Variants in TCERG1 observed in about 807,000 individuals in gnomAD.
TCERG1 encodes transcription elongation regulator 1.
A neutral mutation model predicts 144.7 loss-of-function variants in TCERG1; 37 were observed. The ratio of observed to expected loss-of-function variants is 0.26; its 90% CI spans 0.20 to 0.34. The LOEUF is 0.34. Among genes scored for constraint, TCERG1 ranks in the 10% least tolerant of loss-of-function variants. The probability of loss-of-function intolerance (pLI) is 1.00; values close to 1 mark genes in which losing one functional copy is unlikely to be tolerated. For missense variants in TCERG1, 1,027 were observed against 1,380.7 expected, an observed-to-expected ratio of 0.74 and a Z score of 4.06; for synonymous variants, 492 against 458.2, an observed-to-expected ratio of 1.07 and a Z score of -0.94.
At chr5:146,449,011 C>G (rs1762133652) in intron 1 of TCERG1, among the ~76,000 whole-genome samples, 2 of 152,148 alleles carry the variant, frequency 1.3e-5, no homozygotes, top group Admixed American at 1.3e-4. Context: ...TGAATTTGCC[C>G]TGTTGCAAAT....
chr5:146,462,849 G>A (rs560535655), intron 4 of TCERG1, among the ~76,000 whole-genome samples: 1 of 152,054 alleles, frequency 6.6e-6, no homozygotes, highest in East Asian at 1.9e-4. Context: ...CATAAATAAT[G>A]TGAATGCATT....
intron 1 of TCERG1, among the ~76,000 whole-genome samples, chr5:146,454,233 C>T (rs987793106): frequency 3.4e-5 from 5 of 148,710 alleles, no homozygotes; most frequent in South Asian, 2.2e-4. Flanking sequence ...AAAGAACATT[C>T]CTTCCTTATT....
intron 21 of TCERG1, among the ~76,000 whole-genome samples, chr5:146,508,183 G>C (rs556109121): frequency 6.6e-6 from 1 of 152,288 alleles, no homozygotes; most frequent in South Asian, 2.1e-4. Context: ...GGTGAAGCTT[G>C]TATTTTAGGA....
intron 9 of TCERG1, among the ~76,000 whole-genome samples, chr5:146,474,352 A>G (rs918611926): frequency 1.3e-5 from 2 of 152,182 alleles, no homozygotes; most frequent in African/African-American, 4.8e-5. Context: ...TTTATGAGAA[A>G]ACTGTAATGG....
chr5:146,498,211 C>G (rs1436147392), intron 16 of TCERG1, among the ~76,000 whole-genome samples: 1 of 151,864 alleles, frequency 6.6e-6, no homozygotes, highest in Non-Finnish European at 1.5e-5. Flanking sequence ...GGAGGAAGGA[C>G]TTAGCTTCAT....
intron 16 of TCERG1, among the ~76,000 whole-genome samples, chr5:146,496,469 A>G (rs1273625920): frequency 6.6e-6 from 1 of 152,054 alleles, no homozygotes; most frequent in African/African-American, 2.4e-5. Context: ...ATTGTTAGTG[A>G]TCTAACTTCA....
At chr5:146,468,880 C>CT (rs796380034) in intron 6 of TCERG1, among the ~76,000 whole-genome samples, 18 of 144,580 alleles carry the variant, frequency 1.2e-4, no homozygotes, top group East Asian at 6.0e-4. Context: ...GATTTGAGGA[C>CT]TTTTTTTTTT....
At chr5:146,463,827 A>G (rs1435183230) in intron 5 of TCERG1, 34 bp downstream of exon 5, 13 of 1,612,172 alleles carry the variant, frequency 8.1e-6, no homozygotes, top group Middle Eastern at 1.6e-4. Context: ...CTTTCCAGCT[A>G]TGTTTTCATA....
rs763892008 is a variant in TCERG1, at chr5:146,493,010, A to G, written c.2254A>G (p.Met752Val). The change falls in exon 16 of 23, where the codon ATG (methionine) becomes GTG (valine). Residue 752 changes from methionine to valine, a missense_variant. Met to Val is a conservative substitution (Grantham distance 21). Coordinates refer to ENST00000679501, the MANE Select transcript of TCERG1 (RefSeq NM_001382548.1). ...GCAAGCCAAGGAAGATTTCAAAAAA[A>G]TGATGGAAGAAGCAAAATTTAATCC... is the stretch of plus-strand genomic sequence containing the variant. ...IMQAKEDFKK[M>V]MEEAKFNPRA... 1 of 1,605,468 alleles carries G rather than the reference A, an allele frequency of 6.2e-7. No individual in the cohort carries two copies. The highest frequency in any genetic ancestry group is 8.5e-7 in the Non-Finnish European group (1 of 1,176,856).
intron 17 of TCERG1, among the ~76,000 whole-genome samples, chr5:146,498,919 T>G (rs1767182275): frequency 6.6e-6 from 1 of 152,212 alleles, no homozygotes; most frequent in Non-Finnish European, 1.5e-5. Flanking sequence ...TTAAATTGTG[T>G]TAATATTAAG....
At chr5:146,457,066 G>A in intron 2 of TCERG1, 117 bp from the exon 3 acceptor site, 5 of 1,366,398 alleles carry the variant, frequency 3.7e-6, no homozygotes, top group Non-Finnish European at 5.0e-6. Flanking sequence ...AGGTGAATGT[G>A]TTTGAATAGA....
intron 1 of TCERG1, among the ~76,000 whole-genome samples, chr5:146,449,031 C>T (rs1270207925): frequency 1.3e-5 from 2 of 152,144 alleles, no homozygotes; most frequent in Non-Finnish European, 1.5e-5. Context: ...TATTTTATAC[C>T]GTAGCCTCTT....
chr5:146,484,227 A>C (rs1765621711), intron 15 of TCERG1, among the ~76,000 whole-genome samples: 1 of 152,126 alleles, frequency 6.6e-6, no homozygotes, highest in African/African-American at 2.4e-5. Context: ...ACTCAGAAAA[A>C]CAGTGGATAC....
At chr5:146,480,005 T>G (rs1765196667) in intron 11 of TCERG1, 23 bp from the exon 12 acceptor site, 1 of 1,591,012 alleles carries the variant, frequency 6.3e-7, no homozygotes, top group Non-Finnish European at 8.6e-7. Flanking sequence ...TCCTAAATAT[T>G]TTAATTAAAT....
intron 15 of TCERG1, among the ~76,000 whole-genome samples, chr5:146,492,095 G>T (rs1009256657): frequency 6.6e-6 from 1 of 152,144 alleles, no homozygotes; most frequent in African/African-American, 2.4e-5. Flanking sequence ...CATTAAGTTG[G>T]TGGGGGCATC....
At position 146,507,264 on chromosome 5, in the gene TCERG1, TAAAGC is replaced by T. The variant is rs1381619126; in HGVS notation, c.2961+64_2961+68del. 3 of 1,462,638 alleles carry T rather than the reference TAAAGC, an allele frequency of 2.1e-6. No individual in the cohort carries two copies. Among genetic ancestry groups the T allele is most frequent in the East Asian group, 4.7e-5 (2 of 42,586 alleles). 90.6% of individuals were successfully genotyped at this position (1,462,638 alleles called of 1,614,324 possible). On this transcript the variant is annotated intron_variant, in intron 20 of 22. Coordinates refer to ENST00000679501, the MANE Select transcript of TCERG1 (RefSeq NM_001382548.1). This position sits in a 1 kb window ranked among gnomAD's most constrained non-coding sequence, Gnocchi z 4.6. ...TGGATGAATCTTGTTAGTAATTTCT[TAAAGC>T]AAAGCATTGATATGATTTTTAGTGT...
chr5:146,471,711 G>C (rs1764325570), intron 9 of TCERG1, 135 bp downstream of exon 9: 1 of 575,984 alleles, frequency 1.7e-6, no homozygotes, highest in Admixed American at 3.2e-5. Flanking sequence ...CGATTCTCCT[G>C]CCTCAGCTTC....
intron 16 of TCERG1, among the ~76,000 whole-genome samples, chr5:146,494,177 T>C (rs906719970): frequency 1.3e-5 from 2 of 152,224 alleles, no homozygotes; most frequent in Admixed American, 1.3e-4. Flanking sequence ...GTCTCTGTTA[T>C]AAAAGACATT....
intron 9 of TCERG1, among the ~76,000 whole-genome samples, chr5:146,474,480 TG>T (rs1764643589): frequency 6.6e-6 from 1 of 152,154 alleles, no homozygotes; most frequent in Non-Finnish European, 1.5e-5. Context: ...TACATAAACT[TG>T]GTGGATAAAG....
Sources: allele counts gnomAD v4.1 joint callset (sites outside exome capture counted in the v4.1 genomes callset), GRCh38; gene constraint gnomAD v4.1.1; non-coding constraint Gnocchi (gnomAD v3.1); transcripts MANE v1.5; gene names NCBI Gene and HGNC (gene_info 2026-07-23, HGNC 2026-07-21).